Variants in SELE observed in about 807,000 individuals in gnomAD.
SELE encodes the protein E-selectin.
In SELE, 52 loss-of-function variants were observed where a neutral mutation model predicts 75.8. That is an observed-to-expected ratio of 0.69 (90% CI 0.55 to 0.86). The LOEUF is 0.86. Among genes scored for constraint, SELE ranks in the 40% least tolerant of loss-of-function variants. The pLI is 0.00. For synonymous variants in SELE, 285 were observed against 258.7 expected, an observed-to-expected ratio of 1.10 and a Z score of -0.98; for missense variants, 754 against 732.7, an observed-to-expected ratio of 1.03 and a Z score of -0.34.
At chr1:169,729,092 A>G (rs1236561046) in intron 7 of SELE, 94 bp downstream of exon 7, 3 of 1,106,746 alleles carry the variant, frequency 2.7e-6, no homozygotes, top group African/African-American at 1.6e-5. Flanking sequence ...TCTGATTTCT[A>G]TAGTTAAAGT....
chr1:169,726,817 A>G lies in SELE; in HGVS notation c.1646-11T>C. 6.3e-7 allele frequency: 1 copy of G among 1,585,880 alleles called. No individual in the cohort carries two copies. The highest frequency in any genetic ancestry group is 1.1e-5 in the South Asian group (1 of 89,766). On this transcript the variant is annotated splice_polypyrimidine_tract_variant and intron_variant, in intron 10 of 13. Transcript: ENST00000333360. ...TGGACTCAGTGGGAGCTAAGGAAGT[A>G]AGAGACGAAGAAAGGTCATGAGGAA...
chr1:169,733,092 G>A, intron 2 of SELE, 94 bp from the exon 3 acceptor site: 3 of 1,286,410 alleles, frequency 2.3e-6, no homozygotes, highest in Non-Finnish European at 3.2e-6. Context: ...TTTTGGCAAT[G>A]TTTGTGACAT....
At chr1:169,732,572 C>T (rs775246084) in intron 3 of SELE, 43 bp downstream of exon 3, 188 of 1,518,754 alleles carry the variant, frequency 1.2e-4, no homozygotes, top group Non-Finnish European at 1.6e-4. Context: ...CCAAGATGCC[C>T]ACACACTGAA....
intron 4 of SELE, 81 bp from the exon 5 acceptor site, chr1:169,730,698 G>GTT (rs60632494): frequency 6.3e-3 from 3,538 of 559,764 alleles, no homozygotes; most frequent in Non-Finnish European, 7.1e-3. Context: ...CTACAGTTTG[G>GTT]TTTTTTTTTT....
intron 6 of SELE, 44 bp from the exon 7 acceptor site, chr1:169,729,418 G>C: frequency 6.2e-6 from 10 of 1,608,842 alleles, no homozygotes; most frequent in Non-Finnish European, 8.5e-6. Flanking sequence ...CCTAGAATTA[G>C]CTTGCCCATT....
At position 169,730,520 on chromosome 1, in the gene SELE, G is replaced by A; in HGVS notation, c.627C>T (p.Ser209=). ...TGCTTGGCAGGTAACCCCTATCACA[G>A]CTGATAGAGCAGGAAGAATTGTAGC... is the stretch of plus-strand genomic sequence containing the variant. ...NFSYNSSCSI[S]CDRGYLPSSM... is the part of the protein sequence containing the mutation. The change falls in exon 5 of 14, where the codon AGC becomes AGT. Residue 209 remains serine, a synonymous_variant. Transcript: ENST00000333360. 6.2e-7 allele frequency: 1 copy of A among 1,613,812 alleles called. No homozygotes were observed. The highest frequency in any genetic ancestry group is 8.5e-7 in the Non-Finnish European group (1 of 1,179,792).
rs1248701245 is a variant in SELE, at chr1:169,732,706, G to A, written c.330C>T (p.Asp110=). 9 of 1,612,388 alleles carry A rather than the reference G, an allele frequency of 5.6e-6. 1 individual carries two copies. The South Asian group carries it at 9.9e-5, about 18-fold the overall frequency. Residue 110 remains aspartate (D), a synonymous_variant, in exon 3 of 14, where the codon GAC becomes GAT. Coordinates refer to ENST00000333360, the MANE Select transcript of SELE (RefSeq NM_000450.2). Reference sequence around the variant, plus strand: ...CTCTCTTGATGTAGATCTCCACGCAGTCCTCATCTTTTTGCCTATTGTTGG... The same window carrying A: ...CTCTCTTGATGTAGATCTCCACGCAATCCTCATCTTTTTGCCTATTGTTGG... ...GEPNNRQKDE[D]CVEIYIKREK...
chr1:169,731,892 T>C lies in SELE; in HGVS notation c.472A>G (p.Ile158Val). The C allele has an allele frequency of 1.2e-6, 2 of 1,613,890 alleles. No individual in the cohort carries two copies. Among genetic ancestry groups the C allele is most frequent in the South Asian group, 2.2e-5 (2 of 91,080 alleles). The change falls in exon 4 of 14, where the codon ATC becomes GTC. Residue 158 changes from isoleucine to valine, a missense_variant. Coordinates refer to ENST00000333360, the MANE Select transcript of SELE (RefSeq NM_000450.2). ...CSGHGECVET[I>V]NNYTCKCDPG... ...TCACACTTGCAAGTGTAATTATTGA[T>C]GGTCTCTACACATTCACCGTGGCCA...
At chr1:169,725,825 G>A in intron 12 of SELE, 24 bp from the exon 13 acceptor site, 1 of 1,613,910 alleles carries the variant, frequency 6.2e-7, no homozygotes, top group South Asian at 1.1e-5. Flanking sequence ...GAGAACACTA[G>A]GTAAAGCACT....
chr1:169,723,868 G>C lies in SELE; in HGVS notation c.*657C>G, dbSNP rs1364379378. 1.3e-5 allele frequency: 2 copies of C among 152,158 alleles called. No homozygotes were observed. Among genetic ancestry groups the C allele is most frequent in the Non-Finnish European group, 2.9e-5 (2 of 68,032 alleles). 9.4% of individuals were successfully genotyped at this position (152,158 alleles called of 1,614,324 possible). A position where few individuals can be genotyped will look rare whatever the true frequency, so the allele number is the denominator to read the frequency against. ...GAAGATTATAATATATTCAATGCAA[G>C]TAAAAATATCACAATCCTTAAGAAC... On this transcript the variant is annotated 3_prime_UTR_variant, in exon 14 of 14. Coordinates refer to ENST00000333360, the MANE Select transcript of SELE (RefSeq NM_000450.2).
At chr1:169,732,251 A>T (rs1400038930) in intron 3 of SELE, among the ~76,000 whole-genome samples, 1 of 151,584 alleles carries the variant, frequency 6.6e-6, no homozygotes, top group Non-Finnish European at 1.5e-5. Context: ...GCATTTTTAT[A>T]TGTAAAGAAC....
In SELE at chr1:169,732,790, G is replaced by C; in HGVS notation, c.246C>G (p.Val82=). 1 of 1,614,128 alleles carries C rather than the reference G, an allele frequency of 6.2e-7. No individual in the cohort carries two copies. The highest frequency in any genetic ancestry group is 8.5e-7 in the Non-Finnish European group (1 of 1,180,024). ...TCAGAGGTTTCTGGGTTCCTACCCA[G>C]ACCCACACATTGTTGACTTTTCTGA... ...IGIRKVNNVW[V]WVGTQKPLTE... Residue 82 remains valine, a synonymous_variant, in exon 3 of 14, where the codon GTC becomes GTG. Transcript: ENST00000333360.
Position 169,727,879 on chromosome 1 carries a change from C to T in SELE, c.1328G>A (p.Cys443Tyr), listed in dbSNP as rs1393257265. ...GAATTCTCCAATAGGGGAATGAGCA[C>T]ACCTCACCAAACCCTTCGGGGGCTG... ...VHQPPKGLVRCAHSPIGEFTY... is the reference protein window; with the variant it reads ...VHQPPKGLVRYAHSPIGEFTY... Residue 443 changes from cysteine to tyrosine, a missense_variant, in exon 9 of 14, where the codon TGT (cysteine) becomes TAT (tyrosine). Transcript: ENST00000333360. The T allele has an allele frequency of 6.2e-7, 1 of 1,614,190 alleles. No homozygotes were observed. Among genetic ancestry groups the T allele is most frequent in the Admixed American group, 1.7e-5 (1 of 60,032 alleles).
chr1:169,733,025 G>A (rs1190760080), intron 2 of SELE, 27 bp from the exon 3 acceptor site: 1 of 1,528,436 alleles, frequency 6.5e-7, no homozygotes, highest in Admixed American at 2.2e-5. Context: ...AAAAGAAATG[G>A]TAGAGTTTGG....
At chr1:169,726,084 T>C (rs1360867515) in intron 11 of SELE, among the ~76,000 whole-genome samples, 156 bp from the exon 12 acceptor site, 3 of 152,144 alleles carry the variant, frequency 2.0e-5, no homozygotes, top group Non-Finnish European at 2.9e-5. Context: ...CTCTGTGGCA[T>C]CTAGGGTAAA....
At chr1:169,731,519 G>C (rs1406235493) in intron 4 of SELE, 3 of 241,186 alleles carry the variant, frequency 1.2e-5, no homozygotes, top group African/African-American at 6.9e-5. Context: ...CAGAATTACA[G>C]TTTATTGAAT....
intron 5 of SELE, among the ~76,000 whole-genome samples, chr1:169,730,061 A>G (rs762737186): frequency 1.2e-4 from 19 of 152,188 alleles, no homozygotes; most frequent in Non-Finnish European, 1.9e-4. Flanking sequence ...AGATAAAATT[A>G]AGAGAGAAAA....
intron 11 of SELE, 28 bp from the exon 12 acceptor site, chr1:169,725,956 A>C (rs1477347706): frequency 1.9e-6 from 3 of 1,613,390 alleles, no homozygotes; most frequent in African/African-American, 1.3e-5. Flanking sequence ...AACAACCATT[A>C]ATTCAGACTA....
Position 169,727,454 on chromosome 1 carries a change from T to A in SELE, c.1540A>T (p.Thr514Ser), listed in dbSNP as rs1490987691. The A allele has an allele frequency of 6.2e-7, 1 of 1,614,110 alleles. No individual in the cohort carries two copies. The highest frequency in any genetic ancestry group is 1.7e-5 in the Admixed American group (1 of 60,014). ...TCAGGACAGGCGAACTTGCACACAG[T>A]GCCAAACACGGGCTCCCCACTGCAG... is the stretch of plus-strand genomic sequence containing the variant. Reference protein sequence around the residue: ...MSCSGEPVFGTVCKFACPEGW... With the variant: ...MSCSGEPVFGSVCKFACPEGW... Residue 514 changes from threonine to serine, a missense_variant, in exon 10 of 14, where the codon ACT (threonine) becomes TCT (serine). Transcript: ENST00000333360.
Sources: allele counts gnomAD v4.1 joint callset (sites outside exome capture counted in the v4.1 genomes callset), GRCh38; gene constraint gnomAD v4.1.1; transcripts MANE v1.5; gene names NCBI Gene and HGNC (gene_info 2026-07-23, HGNC 2026-07-21).